SARS1: variants seen among roughly 807,000 people sequenced by gnomAD.
SARS1 encodes serine--tRNA ligase, cytoplasmic.
A neutral mutation model predicts 63.7 loss-of-function variants in SARS1; 25 were observed. That is an observed-to-expected ratio of 0.39 (90% CI 0.29 to 0.55). The LOEUF (loss-of-function observed/expected upper bound fraction) is 0.55. Ranked by LOEUF, SARS1 falls within the 20% of genes least tolerant of loss-of-function variation. The pLI is 0.62. For synonymous variants in SARS1, 231 were observed against 243.5 expected (o/e 0.95, Z 0.48); for missense variants, 417 against 649.7 (o/e 0.64, Z 3.89).
chr1:109,236,881 T>G (rs776227876), intron 9 of SARS1: 2 of 1,592,866 alleles, frequency 1.3e-6, no homozygotes, highest in South Asian at 2.3e-5. Flanking sequence ...GTCTGGGTTG[T>G]AAGCTGCTCT....
Position 109,237,688 on chromosome 1 carries a change from C to T in SARS1, c.1388-43C>T. ...CCCCAGAGGTCTTAGGGCTTTGACT[C>T]ACTGAGAAACAACAGGTCATTTGGT... On this transcript the variant is annotated intron_variant, in intron 10 of 10. Transcript: ENST00000234677. This position sits in a 1 kb window ranked among gnomAD's most constrained non-coding sequence, Gnocchi z 4.1. The T allele has an allele frequency of 1.2e-6, 2 of 1,607,586 alleles. No homozygotes were observed. The highest frequency in any genetic ancestry group is 1.1e-5 in the South Asian group (1 of 90,768).
intron 1 of SARS1, chr1:109,216,304 C>G (rs774614900): frequency 1.0e-6 from 1 of 985,262 alleles, no homozygotes; most frequent in Non-Finnish European, 1.2e-6. Flanking sequence ...TACAACTATA[C>G]CAATTTGTCT....
At chr1:109,223,787 A>G (rs893753815) in intron 1 of SARS1, among the ~76,000 whole-genome samples, 191 bp from the exon 2 acceptor site, 1 of 152,218 alleles carries the variant, frequency 6.6e-6, no homozygotes, top group Non-Finnish European at 1.5e-5. Flanking sequence ...CTAGGCAACA[A>G]GAGCAAGATG....
At chr1:109,219,350 T>C (rs1425153889) in intron 1 of SARS1, among the ~76,000 whole-genome samples, 2 of 144,178 alleles carry the variant, frequency 1.4e-5, no homozygotes, top group East Asian at 4.0e-4. Flanking sequence ...TATATATATA[T>C]ATATGACATT....
Position 109,235,866 on chromosome 1 carries a change from G to A in SARS1, c.970-111G>A, listed in dbSNP as rs539138925. On this transcript the variant is annotated intron_variant, in intron 7 of 10. Transcript: ENST00000234677. The surrounding 1 kb of genome is among the most constrained non-coding windows in gnomAD (Gnocchi z 4.7). ...TCCCAGTTGCTGGGGGCCCAGACTT[G>A]CCTGCCTCCCAGTGGTGTGGAAACA... 1.1e-4 allele frequency: 115 copies of A among 1,090,206 alleles called. No homozygotes were observed. Among genetic ancestry groups the A allele is most frequent in the Non-Finnish European group, 1.3e-4 (99 of 760,000 alleles). 67.5% of individuals were successfully genotyped at this position (1,090,206 alleles called of 1,614,324 possible). A position where few individuals can be genotyped will look rare whatever the true frequency, so the allele number is the denominator to read the frequency against.
Position 109,230,894 on chromosome 1 carries a change from T to A in SARS1, c.464T>A (p.Val155Glu), listed in dbSNP as rs143197564. 200 of 1,603,026 alleles carry A rather than the reference T, an allele frequency of 1.2e-4. No individual in the cohort carries two copies. The East Asian group carries it at 2.3e-3, about 18-fold the overall frequency. Residue 155 changes from valine (V) to glutamate (E), a missense_variant, in exon 5 of 11, where the codon GTA becomes GAA. By Grantham distance (121) the Val-to-Glu change is moderately radical (BLOSUM62 -2). Around this residue, in one of 3 missense-constraint regions of SARS1, gnomAD observed 359 missense variants for 529.6 expected, o/e 0.68. Transcript: ENST00000234677. ...TTTCCTTAGGATGTGGACAACAAAGTAGAGAGGATTTGGGGTGATTGTACA... is the reference window on the plus strand; with the variant it reads ...TTTCCTTAGGATGTGGACAACAAAGAAGAGAGGATTTGGGGTGATTGTACA... The part of the protein sequence containing the change: ...ISNDEDVDNK[V>E]ERIWGDCTVR...
intron 4 of SARS1, among the ~76,000 whole-genome samples, chr1:109,230,664 G>A (rs763539524): frequency 8.5e-5 from 13 of 152,076 alleles, no homozygotes; most frequent in Non-Finnish European, 7.4e-5. Flanking sequence ...AAAATTAGCC[G>A]AGCATAGTGT....
At chr1:109,236,916 A>T in intron 9 of SARS1, 1 of 1,547,804 alleles carries the variant, frequency 6.5e-7, no homozygotes, top group Non-Finnish European at 8.7e-7. Context: ...TTCAGGCCCT[A>T]CTCTTTTCCA....
chr1:109,213,936 G>A lies in SARS1; in HGVS notation c.-57G>A. On this transcript the variant is annotated 5_prime_UTR_variant, in exon 1 of 11. Coordinates refer to ENST00000234677, the MANE Select transcript of SARS1 (RefSeq NM_006513.4). ...CGCCGGCGCAGTGCGGCGGTCACAGGCTGAGTGCTGCGGCGCGATCCTTGC... is the reference window on the plus strand; with the variant it reads ...CGCCGGCGCAGTGCGGCGGTCACAGACTGAGTGCTGCGGCGCGATCCTTGC... 1.3e-6 allele frequency: 2 copies of A among 1,545,274 alleles called. No homozygotes were observed. The highest frequency in any genetic ancestry group is 1.8e-6 in the Non-Finnish European group (2 of 1,142,846).
chr1:109,215,189 G>C, intron 1 of SARS1: 8 of 985,432 alleles, frequency 8.1e-6, no homozygotes, highest in Non-Finnish European at 9.6e-6. Context: ...GCCCTCTATT[G>C]TAGTAGTTTG....
intron 6 of SARS1, among the ~76,000 whole-genome samples, chr1:109,232,581 G>T (rs939566463): frequency 3.3e-5 from 5 of 152,116 alleles, no homozygotes; most frequent in African/African-American, 1.2e-4. Context: ...TAATTAGAAC[G>T]ATCTTTCCAT....
chr1:109,220,959 T>C (rs180739548), intron 1 of SARS1, among the ~76,000 whole-genome samples: 18 of 152,216 alleles, frequency 1.2e-4, no homozygotes, highest in African/African-American at 4.1e-4. Context: ...GAGAGTCAAT[T>C]GCTCATGGTA....
At position 109,237,175 on chromosome 1, in the gene SARS1, G is replaced by T. The variant is rs1655327921; in HGVS notation, c.1258-69G>T. 1 of 1,558,786 alleles carries T rather than the reference G, an allele frequency of 6.4e-7. No individual in the cohort carries two copies. Among genetic ancestry groups the T allele is most frequent in the Non-Finnish European group, 8.7e-7 (1 of 1,156,064 alleles). ...TTGGGGAAGTCTGGTTGAATGGATGGTTCCTGGCCGTCAGTAAGACCCGAT... is the reference window on the plus strand; with the variant it reads ...TTGGGGAAGTCTGGTTGAATGGATGTTTCCTGGCCGTCAGTAAGACCCGAT... On this transcript the variant is annotated intron_variant, in intron 9 of 10. Transcript: ENST00000234677. This position sits in a 1 kb window ranked among gnomAD's most constrained non-coding sequence, Gnocchi z 4.1.
At chr1:109,231,072 T>A in intron 5 of SARS1, 51 bp downstream of exon 5, 1 of 976,664 alleles carries the variant, frequency 1.0e-6, no homozygotes, top group Non-Finnish European at 1.3e-6. Context: ...AAACAAAATA[T>A]ATATATATAT....
At chr1:109,217,212 G>T in intron 1 of SARS1, 1 of 870,592 alleles carries the variant, frequency 1.1e-6, no homozygotes, top group Middle Eastern at 5.8e-4. Flanking sequence ...TCCACCATAA[G>T]TTGAAAATAT....
rs762340064 is a variant in SARS1, at chr1:109,213,954, A to G, written c.-39A>G. The G allele has an allele frequency of 1.3e-6, 2 of 1,578,546 alleles. No individual in the cohort carries two copies. Among genetic ancestry groups the G allele is most frequent in the South Asian group, 1.1e-5 (1 of 87,670 alleles). On this transcript the variant is annotated 5_prime_UTR_variant, in exon 1 of 11. Transcript: ENST00000234677. ...GTCACAGGCTGAGTGCTGCGGCGCG[A>G]TCCTTGCTTCCCTGAGCGTTGGCCC...
intron 1 of SARS1, among the ~76,000 whole-genome samples, chr1:109,222,010 A>ATTTTTTTTTTT (rs1172469174): frequency 4.7e-5 from 1 of 21,206 alleles, no homozygotes; most frequent in African/African-American, 3.1e-4. Flanking sequence ...ATATATATAT[A>ATTTTTTTTTTT]TTTTTTTTTT....
At chr1:109,222,770 G>A (rs1654978057) in intron 1 of SARS1, among the ~76,000 whole-genome samples, 2 of 152,300 alleles carry the variant, frequency 1.3e-5, no homozygotes, top group South Asian at 4.1e-4. Flanking sequence ...AGCACTTTGG[G>A]AGGCCAAGAT....
intron 9 of SARS1, chr1:109,236,898 A>G: frequency 1.3e-6 from 2 of 1,576,706 alleles, no homozygotes; most frequent in South Asian, 1.2e-5. Context: ...CTCTCTTCAA[A>G]CCCAATTTTC....
Sources: allele counts gnomAD v4.1 joint callset (sites outside exome capture counted in the v4.1 genomes callset), GRCh38; gene constraint gnomAD v4.1.1; regional missense constraint gnomAD v4.1.1; non-coding constraint Gnocchi (gnomAD v3.1); transcripts MANE v1.5; gene names NCBI Gene and HGNC (gene_info 2026-07-23, HGNC 2026-07-21).